TET1: variants seen among roughly 807,000 people sequenced by gnomAD.
TET1 encodes tet methylcytosine dioxygenase 1.
Under a neutral mutation model 148.7 loss-of-function variants are expected in TET1, and 13 were observed. The ratio of observed to expected loss-of-function variants is 0.09; its 90% CI spans 0.06 to 0.14. The LOEUF is 0.14. Among genes scored for constraint, TET1 ranks in the 10% least tolerant of loss-of-function variants. TET1 has a pLI of 1.00. For synonymous variants in TET1, 907 were observed against 937.2 expected, an observed-to-expected ratio of 0.97 and a Z score of 0.59; for missense variants, 2,182 against 2,553.8, an observed-to-expected ratio of 0.85 and a Z score of 3.14.
intron 3 of TET1, among the ~76,000 whole-genome samples, chr10:68,614,351 T>C (rs112918957): frequency 1.3e-5 from 2 of 152,300 alleles, no homozygotes; most frequent in African/African-American, 4.8e-5. Context: ...GTGCTGTTCA[T>C]GGTCAGAAAT....
intron 3 of TET1, among the ~76,000 whole-genome samples, chr10:68,640,656 A>G (rs1219380325): frequency 7.6e-6 from 1 of 131,552 alleles, no homozygotes; most frequent in Non-Finnish European, 1.5e-5. Context: ...GGTTCACGCC[A>G]TTCTCCTGCC....
At chr10:68,591,969 A>T (rs2053923688) in intron 2 of TET1, among the ~76,000 whole-genome samples, 1 of 152,090 alleles carries the variant, frequency 6.6e-6, no homozygotes. Context: ...TCTCAAAATA[A>T]TTGCTTTTCT....
At chr10:68,586,492 T>TTTTTTC (rs1554931442) in intron 2 of TET1, among the ~76,000 whole-genome samples, 1 of 150,172 alleles carries the variant, frequency 6.7e-6, no homozygotes, top group African/African-American at 2.5e-5. Flanking sequence ...AACGTTTTTT[T>TTTTTTC]TTTTTTTTTA....
At chr10:68,567,899 G>A (rs554769063) in intron 1 of TET1, among the ~76,000 whole-genome samples, 4 of 152,254 alleles carry the variant, frequency 2.6e-5, no homozygotes, top group African/African-American at 7.2e-5. Flanking sequence ...ACCATGAGAC[G>A]GAGTTCCTAC....
intron 10 of TET1, among the ~76,000 whole-genome samples, chr10:68,685,113 T>C (rs2055491676): frequency 6.6e-6 from 1 of 152,098 alleles, no homozygotes; most frequent in South Asian, 2.1e-4. Context: ...AAATTAGCTA[T>C]GCGTGATGGT....
At position 68,691,199 on chromosome 10, in the gene TET1, G is replaced by A. The variant is rs762555906; in HGVS notation, c.5796G>A (p.Glu1932=). 1.2e-6 allele frequency: 2 copies of A among 1,614,108 alleles called. No individual in the cohort carries two copies. Among genetic ancestry groups the A allele is most frequent in the Admixed American group, 1.7e-5 (1 of 59,996 alleles). Reference sequence around the variant, plus strand: ...CTGAGCCTTCCACTGGTGTGACTGAGCCGCTAACGCCTCATCAGCCAAACC... The same window carrying A: ...CTGAGCCTTCCACTGGTGTGACTGAACCGCTAACGCCTCATCAGCCAAACC... The part of the protein sequence containing the change: ...INSEPSTGVT[E]PLTPHQPNHQ... The change falls in exon 12 of 12, where the codon GAG becomes GAA. Residue 1932 remains glutamate, a synonymous_variant. Coordinates refer to ENST00000373644, the MANE Select transcript of TET1 (RefSeq NM_030625.3). The surrounding 1 kb of genome is among the most constrained non-coding windows in gnomAD (Gnocchi z 4.4).
At chr10:68,602,634 T>C (rs1335680639) in intron 3 of TET1, among the ~76,000 whole-genome samples, 1 of 152,194 alleles carries the variant, frequency 6.6e-6, no homozygotes, top group Non-Finnish European at 1.5e-5. Flanking sequence ...ATGTAAAAAG[T>C]AAATATGCCA....
intron 3 of TET1, among the ~76,000 whole-genome samples, chr10:68,638,986 A>G (rs1481380982): frequency 6.6e-6 from 1 of 152,074 alleles, no homozygotes; most frequent in Non-Finnish European, 1.5e-5. Context: ...GGAGTTCAAC[A>G]TTATTCTTGC....
rs146100325 is a variant in TET1, at chr10:68,566,702, C to T, written c.-122-5515C>T. On this transcript the variant is annotated intron_variant, in intron 1 of 11. Transcript: ENST00000373644. ...GCTCTGGGAATTCTTGTGTGTATAA[C>T]CTACGTAGTGTGTAAGGTGGGAACA... 5.3e-5 allele frequency among the ~76,000 whole-genome samples: 8 copies of T among 152,126 alleles called. No homozygotes were observed. The East Asian group carries it at 1.5e-3, about 29-fold the overall frequency.
chr10:68,677,713 C>T (rs1310185418), intron 8 of TET1, among the ~76,000 whole-genome samples: 1 of 151,576 alleles, frequency 6.6e-6, no homozygotes, highest in African/African-American at 2.4e-5. Flanking sequence ...ATGGTGTGAT[C>T]TCGGCTCACT....
intron 3 of TET1, among the ~76,000 whole-genome samples, chr10:68,633,351 A>G (rs1489450160): frequency 2.0e-5 from 3 of 147,500 alleles, no homozygotes; most frequent in Non-Finnish European, 4.5e-5. Flanking sequence ...AAAAATTAAT[A>G]TGGAAATTTA....
intron 3 of TET1, among the ~76,000 whole-genome samples, chr10:68,614,612 G>A (rs1254797525): frequency 6.6e-6 from 1 of 152,104 alleles, no homozygotes; most frequent in African/African-American, 2.4e-5. Context: ...CACCTCTTAG[G>A]TTCAAGCGAT....
chr10:68,621,152 T>C (rs901875980), intron 3 of TET1, among the ~76,000 whole-genome samples: 15 of 152,206 alleles, frequency 9.9e-5, no homozygotes, highest in African/African-American at 3.4e-4. Flanking sequence ...TTAAAAACAG[T>C]TGGCCAGGCA....
chr10:68,632,830 A>G, intron 3 of TET1: 1 of 736,034 alleles, frequency 1.4e-6, no homozygotes, highest in Non-Finnish European at 2.2e-6. Flanking sequence ...ATAAAGTTTA[A>G]GTTGTAAAAA....
intron 1 of TET1, among the ~76,000 whole-genome samples, chr10:68,566,692 G>C (rs770053930): frequency 2.6e-5 from 4 of 152,272 alleles, no homozygotes; most frequent in Middle Eastern, 3.4e-3. Flanking sequence ...GGGAATTCTT[G>C]TGTGTATAAC....
chr10:68,596,027 C>CACACATATATATATAT (rs71470531), intron 2 of TET1, among the ~76,000 whole-genome samples: 4 of 61,762 alleles, frequency 6.5e-5, no homozygotes, highest in South Asian at 6.6e-4. Flanking sequence ...CACACACACA[C>CACACATATATATATAT]ATATATATAT....
At chr10:68,594,700 C>T (rs774743433) in intron 2 of TET1, among the ~76,000 whole-genome samples, 4 of 152,012 alleles carry the variant, frequency 2.6e-5, no homozygotes, top group South Asian at 4.2e-4. Flanking sequence ...TGAGAGAGAA[C>T]GGGCGCGGTG....
At chr10:68,634,208 G>A (rs1042023328) in intron 3 of TET1, among the ~76,000 whole-genome samples, 2 of 152,130 alleles carry the variant, frequency 1.3e-5, no homozygotes, top group Admixed American at 1.3e-4. Flanking sequence ...ATTCTAAATT[G>A]AGTTCTAAAT....
At chr10:68,562,835 C>G (rs1190278788) in intron 1 of TET1, among the ~76,000 whole-genome samples, 1 of 152,140 alleles carries the variant, frequency 6.6e-6, no homozygotes. Context: ...TTGATTTCCC[C>G]TATCCCCTTG....
Sources: allele counts gnomAD v4.1 joint callset (sites outside exome capture counted in the v4.1 genomes callset), GRCh38; gene constraint gnomAD v4.1.1; non-coding constraint Gnocchi (gnomAD v3.1); transcripts MANE v1.5; gene names NCBI Gene and HGNC (gene_info 2026-07-23, HGNC 2026-07-21).